Variants in SLC9A9 observed in about 807,000 individuals in gnomAD.
SLC9A9 encodes the protein solute carrier family 9 member A9, also known as sodium/hydrogen exchanger 9.
Under a neutral mutation model 77.8 loss-of-function variants are expected in SLC9A9, and 62 were observed. The ratio of observed to expected loss-of-function variants is 0.80; its 90% confidence interval spans 0.65 to 0.98. SLC9A9 has a LOEUF of 0.98. SLC9A9 is among the 50% of genes least tolerant of loss of function. SLC9A9 has a pLI of 0.00. For missense variants in SLC9A9, 775 were observed against 774.9 expected, an observed-to-expected ratio of 1.00 and a Z score of 0.00; for synonymous variants, 320 against 283.5, an observed-to-expected ratio of 1.13 and a Z score of -1.29.
At chr3:143,826,430 C>A (rs559362883) in intron 2 of SLC9A9, among the ~76,000 whole-genome samples, 2 of 152,258 alleles carry the variant, frequency 1.3e-5, no homozygotes, top group South Asian at 4.1e-4. Flanking sequence ...TTGGGCCAAG[C>A]CCTTCACAGC....
intron 4 of SLC9A9, among the ~76,000 whole-genome samples, chr3:143,769,975 G>A (rs893547815): frequency 1.3e-5 from 2 of 152,124 alleles, no homozygotes; most frequent in Non-Finnish European, 2.9e-5. Flanking sequence ...CTTATAAATA[G>A]CCTGAAATTT....
chr3:143,610,955 T>G (rs2038013557), intron 6 of SLC9A9, among the ~76,000 whole-genome samples: 1 of 151,434 alleles, frequency 6.6e-6, no homozygotes, highest in Non-Finnish European at 1.5e-5. Context: ...TCTACAGAAG[T>G]GAGGAAAAAC....
chr3:143,612,085 G>A (rs6779888), intron 6 of SLC9A9, among the ~76,000 whole-genome samples: 92,080 of 151,900 alleles, frequency 0.61, 28,444 homozygotes, highest in African/African-American at 0.73. Context: ...CTTAAAGAAT[G>A]GATAGTGAGT....
chr3:143,541,136 C>T (rs73146778), intron 9 of SLC9A9, among the ~76,000 whole-genome samples: 282 of 152,232 alleles, frequency 1.9e-3, no homozygotes, highest in Non-Finnish European at 3.4e-3. Flanking sequence ...TCCAATTTTA[C>T]GGAATCGATT....
At chr3:143,600,662 G>C (rs1326521266) in intron 6 of SLC9A9, among the ~76,000 whole-genome samples, 3 of 152,202 alleles carry the variant, frequency 2.0e-5, no homozygotes, top group Non-Finnish European at 4.4e-5. Flanking sequence ...AGGTTGATCA[G>C]CATGAAAATG....
chr3:143,757,465 C>T (rs1295161114), intron 4 of SLC9A9, among the ~76,000 whole-genome samples: 1 of 152,126 alleles, frequency 6.6e-6, no homozygotes, highest in Non-Finnish European at 1.5e-5. Flanking sequence ...TCTAAATAAT[C>T]AGTCTATTTC....
chr3:143,644,338 G>T (rs73005542), intron 6 of SLC9A9, among the ~76,000 whole-genome samples: 14,643 of 152,260 alleles, frequency 0.096, 802 homozygotes, highest in Non-Finnish European at 0.13. Context: ...AATTTGTCAC[G>T]CATGACTTGA....
chr3:143,526,703 T>C (rs568084591), intron 9 of SLC9A9, among the ~76,000 whole-genome samples: 1 of 152,338 alleles, frequency 6.6e-6, no homozygotes, highest in South Asian at 2.1e-4. Context: ...TTCTCTAATA[T>C]TAATTCTTGA....
chr3:143,608,764 C>G (rs1279509055), intron 6 of SLC9A9, among the ~76,000 whole-genome samples: 1 of 152,020 alleles, frequency 6.6e-6, no homozygotes, highest in African/African-American at 2.4e-5. Context: ...GAAGGACCCA[C>G]ATTGAGGTTA....
chr3:143,593,748 A>C (rs944418629), intron 6 of SLC9A9, among the ~76,000 whole-genome samples: 1 of 152,234 alleles, frequency 6.6e-6, no homozygotes, highest in African/African-American at 2.4e-5. Flanking sequence ...CTACCTTATC[A>C]CTTAATGCTA....
intron 12 of SLC9A9, among the ~76,000 whole-genome samples, chr3:143,391,228 G>A (rs965167602): frequency 2.0e-5 from 3 of 152,208 alleles, no homozygotes; most frequent in Non-Finnish European, 4.4e-5. Flanking sequence ...CACCTCACAT[G>A]GCTGGGTACC....
At chr3:143,441,985 C>T (rs1055775278) in intron 12 of SLC9A9, among the ~76,000 whole-genome samples, 1 of 151,836 alleles carries the variant, frequency 6.6e-6, no homozygotes, top group Non-Finnish European at 1.5e-5. Flanking sequence ...CCACCCATAC[C>T]CTTATTACCC....
intron 6 of SLC9A9, among the ~76,000 whole-genome samples, chr3:143,620,262 T>C (rs187295533): frequency 9.2e-5 from 14 of 152,340 alleles, no homozygotes; most frequent in Non-Finnish European, 1.6e-4. Flanking sequence ...TGGCAAGTAG[T>C]TGAACCTCCC....
chr3:143,498,687 A>T (rs1163580572), intron 9 of SLC9A9, among the ~76,000 whole-genome samples: 3 of 152,180 alleles, frequency 2.0e-5, no homozygotes, highest in Admixed American at 6.5e-5. Flanking sequence ...TTTAAAAAAA[A>T]AATTAACAGC....
chr3:143,376,138 A>G (rs1447741577), intron 13 of SLC9A9, among the ~76,000 whole-genome samples: 5 of 152,182 alleles, frequency 3.3e-5, no homozygotes, highest in Non-Finnish European at 4.4e-5. Context: ...CAACGGGCCC[A>G]TACTCACAGC....
intron 2 of SLC9A9, among the ~76,000 whole-genome samples, chr3:143,830,397 C>T (rs1281084480): frequency 2.6e-5 from 4 of 152,186 alleles, no homozygotes; most frequent in African/African-American, 4.8e-5. Context: ...ACCAAGAGGG[C>T]TCCAGCAACT....
intron 6 of SLC9A9, among the ~76,000 whole-genome samples, chr3:143,640,188 A>AT (rs1253704928): frequency 6.6e-6 from 1 of 151,622 alleles, no homozygotes; most frequent in Non-Finnish European, 1.5e-5. Context: ...CGCCCGGCTA[A>AT]TTTTTTGTAT....
At chr3:143,290,701 C>T (rs1050404083) in intron 14 of SLC9A9, among the ~76,000 whole-genome samples, 3 of 152,188 alleles carry the variant, frequency 2.0e-5, no homozygotes, top group African/African-American at 7.2e-5. Context: ...CAGACAACTA[C>T]GTTAATAGAT....
chr3:143,622,925 C>G (rs949126069), intron 6 of SLC9A9, among the ~76,000 whole-genome samples: 5 of 152,076 alleles, frequency 3.3e-5, no homozygotes, highest in African/African-American at 1.2e-4. Flanking sequence ...GAAGATCTAC[C>G]AAGCAAATGG....
Sources: allele counts gnomAD v4.1 joint callset (sites outside exome capture counted in the v4.1 genomes callset), GRCh38; gene constraint gnomAD v4.1.1; transcripts MANE v1.5; gene names NCBI Gene and HGNC (gene_info 2026-07-23, HGNC 2026-07-21).